Variants in HNRNPA3 observed in about 807,000 individuals in gnomAD.
HNRNPA3 encodes the protein epididymis secretory sperm binding protein.
In HNRNPA3, 3 loss-of-function variants were observed where a neutral mutation model predicts 45.8. The observed-to-expected ratio is 0.07, with a 90% CI of 0.03 to 0.17. The LOEUF (loss-of-function observed/expected upper bound fraction) is 0.17, where lower values mean the gene tolerates loss of function less well. Ranked by LOEUF, HNRNPA3 falls within the 10% of genes least tolerant of loss-of-function variation. The pLI is 1.00. For synonymous variants in HNRNPA3, 170 were observed against 155.6 expected, an observed-to-expected ratio of 1.09 and a Z score of -0.69; for missense variants, 183 against 480.3, an observed-to-expected ratio of 0.38 and a Z score of 5.79.
At chr2:177,214,792 C>T (rs1450685081) in intron 1 of HNRNPA3, among the ~76,000 whole-genome samples, 1 of 152,152 alleles carries the variant, frequency 6.6e-6, no homozygotes. Context: ...GAGACTCAGT[C>T]TCAAAAACAA....
In HNRNPA3 at chr2:177,216,747, C is replaced by T. The variant is rs1204625392; in HGVS notation, c.715C>T (p.Arg239Cys). Residue 239 changes from arginine to cysteine, a missense_variant, in exon 6 of 11, where the codon CGT becomes TGT. Physicochemically the swap from Arg to Cys is radical, Grantham distance 180. Around this residue, in one of 2 missense-constraint regions of HNRNPA3, gnomAD observed 123 missense variants for 228.8 expected, o/e 0.54. Coordinates refer to ENST00000392524, the Ensembl canonical transcript of HNRNPA3. The stretch of plus-strand genomic sequence containing the variant: ...TGGAGGTGGTGGAGGTAATTTTGGC[C>T]GTGGTGGAAACTTTGGTGGAAGAGG... 22 of 1,613,902 alleles carry T rather than the reference C, an allele frequency of 1.4e-5. No homozygotes were observed. Among genetic ancestry groups the T allele is most frequent in the East Asian group, 2.2e-5 (1 of 44,896 alleles).
chr2:177,217,482 T>C (rs941584985), intron 7 of HNRNPA3, among the ~76,000 whole-genome samples: 7 of 152,076 alleles, frequency 4.6e-5, no homozygotes, highest in Non-Finnish European at 1.0e-4. Context: ...AAAAATAAAA[T>C]AGGGGAACAT....
downstream of HNRNPA3, chr2:177,223,366 AC>A (rs1689271688): frequency 6.6e-6 from 1 of 152,118 alleles, no homozygotes; most frequent in Non-Finnish European, 1.5e-5. Flanking sequence ...GTTTCTGAAA[AC>A]TACAGTATTC....
chr2:177,218,670 C>G (rs1480881798), intron 8 of HNRNPA3, among the ~76,000 whole-genome samples: 1 of 152,144 alleles, frequency 6.6e-6, no homozygotes, highest in African/African-American at 2.4e-5. Flanking sequence ...TAAAAGCTTT[C>G]TTAGGAATGC....
At chr2:177,214,508 T>C (rs1438757992) in intron 1 of HNRNPA3, among the ~76,000 whole-genome samples, 2 of 152,172 alleles carry the variant, frequency 1.3e-5, no homozygotes, top group African/African-American at 2.4e-5. Flanking sequence ...TGAGTTTAAA[T>C]GTATGGGCCG....
exon 3 of HNRNPA3, chr2:177,215,889 C>G: frequency 6.3e-7 from 1 of 1,596,130 alleles, no homozygotes; most frequent in Non-Finnish European, 8.5e-7. Context: ...AGAGCTGTTT[C>G]TAGAGAGGTA....
intron 7 of HNRNPA3, 137 bp from the exon 8 acceptor site, chr2:177,217,568 G>A: frequency 1.0e-6 from 1 of 979,474 alleles, no homozygotes; most frequent in Non-Finnish European, 1.6e-6. Context: ...GTTCAAGGCT[G>A]CATTGCTGTG....
intron 8 of HNRNPA3, 104 bp downstream of exon 8, chr2:177,217,949 G>C (rs1301091106): frequency 8.8e-7 from 1 of 1,142,434 alleles, no homozygotes; most frequent in Non-Finnish European, 1.2e-6. Context: ...CAAATTTTAT[G>C]TTCTATAAGA....
intron 6 of HNRNPA3, 41 bp from the exon 7 acceptor site, chr2:177,216,816 TAAG>T (rs746911357): frequency 6.2e-7 from 1 of 1,613,608 alleles, no homozygotes; most frequent in African/African-American, 1.3e-5. Context: ...GACATTTTGG[TAAG>T]TTGAATATAT....
chr2:177,216,426 G>A, intron 4 of HNRNPA3, 77 bp from the exon 5 acceptor site: 5 of 1,025,542 alleles, frequency 4.9e-6, no homozygotes, highest in Non-Finnish European at 7.4e-6. Context: ...GTTACATAAT[G>A]ACAGAGGGTA....
At chr2:177,216,983 T>A (rs1292048593) in intron 7 of HNRNPA3, 43 bp downstream of exon 7, 1 of 1,427,882 alleles carries the variant, frequency 7.0e-7, no homozygotes, top group Non-Finnish European at 9.4e-7. Context: ...TTTAACTTTC[T>A]TTACTTATTG....
downstream of HNRNPA3, chr2:177,220,567 A>T (rs1689145556): frequency 1.3e-5 from 2 of 152,738 alleles, no homozygotes; most frequent in South Asian, 4.1e-4. Flanking sequence ...TGTATTCTAT[A>T]CATTTTGCTG....
At chr2:177,214,802 A>G (rs1421521702) in intron 1 of HNRNPA3, among the ~76,000 whole-genome samples, 1 of 152,144 alleles carries the variant, frequency 6.6e-6, no homozygotes, top group Non-Finnish European at 1.5e-5. Context: ...CTCAAAAACA[A>G]AACAAACAAA....
At chr2:177,217,008 C>G (rs1021046327) in intron 7 of HNRNPA3, 68 bp downstream of exon 7, 1 of 1,353,698 alleles carries the variant, frequency 7.4e-7, no homozygotes, top group Non-Finnish European at 9.9e-7. Context: ...TTATTTATTA[C>G]ACTTTTCTAA....
chr2:177,217,283 CTATTAT>C (rs1688982565), intron 7 of HNRNPA3, among the ~76,000 whole-genome samples: 3 of 151,898 alleles, frequency 2.0e-5, no homozygotes, highest in South Asian at 2.1e-4. Context: ...ACTTGATACT[CTATTAT>C]TATTAGGTAT....
At chr2:177,213,065 T>C (rs1688750970) in intron 1 of HNRNPA3, among the ~76,000 whole-genome samples, 194 bp downstream of exon 1, 1 of 151,980 alleles carries the variant, frequency 6.6e-6, no homozygotes, top group South Asian at 2.1e-4. Context: ...CACCTTCGGC[T>C]GCACAGGCGG....
chr2:177,215,709 G>A (rs1688907621), intron 2 of HNRNPA3, 41 bp from the exon 3 acceptor site: 11 of 1,590,730 alleles, frequency 6.9e-6, no homozygotes, highest in Non-Finnish European at 8.6e-6. Context: ...TAGAGAACCG[G>A]TGGAGGTGTT....
Position 177,219,234 on chromosome 2 carries a change from T to G in HNRNPA3, c.1085-13T>G. ...TGTGCATACTTCTTTTAAAATACTA[T>G]GTATATTTTCAGGTGGTTATGGATC... On this transcript the variant is annotated splice_polypyrimidine_tract_variant and intron_variant, in intron 9 of 10. Coordinates refer to ENST00000392524, the Ensembl canonical transcript of HNRNPA3. The G allele has an allele frequency of 6.2e-7, 1 of 1,612,616 alleles. No individual in the cohort carries two copies. Among genetic ancestry groups the G allele is most frequent in the African/African-American group, 1.3e-5 (1 of 74,954 alleles).
At chr2:177,220,163 G>GT (rs1689127175), downstream of HNRNPA3, 1 of 152,536 alleles carries the variant, frequency 6.6e-6, no homozygotes. Context: ...CTTTTAAAAT[G>GT]TAATCATATG....
Sources: gnomAD v4.1 joint callset for allele counts (sites outside exome capture counted in the v4.1 genomes callset) on GRCh38, gnomAD v4.1.1 for gene constraint, gnomAD v4.1.1 regional missense constraint, MANE v1.5 for transcripts, NCBI Gene and HGNC (gene_info 2026-07-23, HGNC 2026-07-21) for gene names.